PAN3: variants seen among roughly 807,000 people sequenced by gnomAD.
PAN3 encodes the protein poly(A) specific ribonuclease subunit PAN3.
In PAN3, 19 loss-of-function variants were observed where a neutral mutation model predicts 96.2. The ratio of observed to expected loss-of-function variants is 0.20; its 90% CI spans 0.14 to 0.29. PAN3 has a LOEUF of 0.29. Ranked by LOEUF, PAN3 falls within the 10% of genes least tolerant of loss-of-function variation. The pLI is 1.00. For synonymous variants in PAN3, 433 were observed against 406.6 expected (o/e 1.06, Z -0.78); for missense variants, 882 against 1,108.1 (o/e 0.80, Z 2.90).
At chr13:28,286,459 C>G (rs1868982892) in intron 17 of PAN3, among the ~76,000 whole-genome samples, 1 of 152,174 alleles carries the variant, frequency 6.6e-6, no homozygotes, top group Non-Finnish European at 1.5e-5. Context: ...CTCAGTTCTC[C>G]TGTTTTCAGC....
At chr13:28,244,646 G>A (rs1051974406) in intron 6 of PAN3, among the ~76,000 whole-genome samples, 3 of 151,948 alleles carry the variant, frequency 2.0e-5, no homozygotes, top group African/African-American at 7.3e-5. Context: ...CTTCATTACT[G>A]TAGGTTTGAT....
intron 1 of PAN3, among the ~76,000 whole-genome samples, chr13:28,165,874 G>T (rs182268712): frequency 1.3e-5 from 2 of 151,932 alleles, no homozygotes; most frequent in Non-Finnish European, 2.9e-5. Flanking sequence ...CTTCATAAGG[G>T]TGCTAATTCC....
At chr13:28,259,258 G>A (rs892550095) in intron 7 of PAN3, among the ~76,000 whole-genome samples, 1 of 151,624 alleles carries the variant, frequency 6.6e-6, no homozygotes, top group African/African-American at 2.4e-5. Flanking sequence ...CTCCTGAGTA[G>A]CTGGGATTAT....
intron 5 of PAN3, among the ~76,000 whole-genome samples, chr13:28,202,552 T>A (rs1177960993): frequency 6.6e-6 from 1 of 152,192 alleles, no homozygotes; most frequent in East Asian, 1.9e-4. Flanking sequence ...CATTGTTAAC[T>A]GAGCCTGAAA....
intron 6 of PAN3, among the ~76,000 whole-genome samples, chr13:28,225,993 T>C (rs999228241): frequency 2.0e-5 from 3 of 152,202 alleles, no homozygotes; most frequent in African/African-American, 7.2e-5. Context: ...CTAGCTATAT[T>C]ACTACTTTGG....
At chr13:28,223,624 C>T (rs914067663) in intron 6 of PAN3, among the ~76,000 whole-genome samples, 2 of 150,762 alleles carry the variant, frequency 1.3e-5, no homozygotes, top group African/African-American at 2.4e-5. Flanking sequence ...AGTGCAGTGG[C>T]GCGATCTCTG....
At chr13:28,193,736 T>TAAAAAAA (rs35597675) in intron 4 of PAN3, among the ~76,000 whole-genome samples, 4 of 108,186 alleles carry the variant, frequency 3.7e-5, no homozygotes, top group Non-Finnish European at 5.3e-5. Flanking sequence ...GACCCTGACT[T>TAAAAAAA]AAAAAAAAAA....
chr13:28,154,876 A>C (rs534294535), intron 1 of PAN3, among the ~76,000 whole-genome samples: 1 of 145,094 alleles, frequency 6.9e-6, no homozygotes. Context: ...GCTGTAGTGC[A>C]GTGGCGCGAT....
chr13:28,260,693 G>A, intron 8 of PAN3, 142 bp downstream of exon 8: 12 of 640,016 alleles, frequency 1.9e-5, no homozygotes, highest in South Asian at 5.5e-5. Flanking sequence ...AGTTTTAATT[G>A]GTATTTTTTT....
intron 9 of PAN3, among the ~76,000 whole-genome samples, chr13:28,263,542 G>A (rs578233199): frequency 6.6e-6 from 1 of 152,270 alleles, no homozygotes; most frequent in Admixed American, 6.5e-5. Context: ...TGTTGCTGAG[G>A]CTGGTCTTGA....
chr13:28,145,427 C>T (rs941386559), intron 1 of PAN3, among the ~76,000 whole-genome samples: 2 of 151,802 alleles, frequency 1.3e-5, no homozygotes, highest in African/African-American at 4.8e-5. Context: ...TGGGTTCAAG[C>T]AATTCTCATG....
At chr13:28,268,277 C>A (rs1464762639) in intron 12 of PAN3, among the ~76,000 whole-genome samples, 1 of 151,444 alleles carries the variant, frequency 6.6e-6, no homozygotes, top group Non-Finnish European at 1.5e-5. Flanking sequence ...AGGTATTTTC[C>A]CCATAGTTTT....
At chr13:28,212,783 C>A (rs1279983331) in intron 5 of PAN3, among the ~76,000 whole-genome samples, 1 of 151,868 alleles carries the variant, frequency 6.6e-6, no homozygotes. Context: ...TAGAAACTGC[C>A]CCAGAAAACC....
intron 4 of PAN3, among the ~76,000 whole-genome samples, chr13:28,183,859 T>C (rs1285776287): frequency 6.6e-6 from 1 of 152,192 alleles, no homozygotes; most frequent in Non-Finnish European, 1.5e-5. Context: ...ATGGGACATG[T>C]TGCCTGGCAC....
intron 9 of PAN3, among the ~76,000 whole-genome samples, chr13:28,264,204 G>A (rs978331061): frequency 6.6e-6 from 1 of 152,088 alleles, no homozygotes; most frequent in Non-Finnish European, 1.5e-5. Context: ...TATAAAAAAT[G>A]TAAATAATTG....
intron 1 of PAN3, among the ~76,000 whole-genome samples, chr13:28,144,211 G>GTTT (rs972669575): frequency 9.2e-4 from 93 of 101,556 alleles, no homozygotes; most frequent in Middle Eastern, 6.4e-3. Flanking sequence ...AAGTTTTTTT[G>GTTT]TTTTTTTTTT....
intron 6 of PAN3, among the ~76,000 whole-genome samples, chr13:28,235,682 T>TACACACACACACAC (rs143752644): frequency 7.7e-4 from 95 of 123,434 alleles, no homozygotes; most frequent in African/African-American, 3.1e-3. Flanking sequence ...TTCTCTAATA[T>TACACACACACACAC]ACACACACAC....
intron 6 of PAN3, among the ~76,000 whole-genome samples, chr13:28,243,730 C>G (rs1566220713): frequency 6.6e-6 from 1 of 152,046 alleles, no homozygotes; most frequent in Non-Finnish European, 1.5e-5. Context: ...GCTCTGTCAT[C>G]CAGGCTGGAG....
chr13:28,193,635 A>T (rs1267475592), intron 4 of PAN3, among the ~76,000 whole-genome samples: 1 of 150,472 alleles, frequency 6.6e-6, no homozygotes, highest in Admixed American at 6.6e-5. Flanking sequence ...CCCAGCTCCT[A>T]CGGAGGCTGA....
Sources: gnomAD v4.1 joint callset for allele counts (sites outside exome capture counted in the v4.1 genomes callset) on GRCh38, gnomAD v4.1.1 for gene constraint, MANE v1.5 for transcripts, NCBI Gene and HGNC (gene_info 2026-07-23, HGNC 2026-07-21) for gene names.